Variants in SLC35F3 observed in about 807,000 individuals in gnomAD.
The protein encoded by SLC35F3 is putative thiamine transporter SLC35F3.
In SLC35F3, 25 loss-of-function variants were observed where a neutral mutation model predicts 49.9. The ratio of observed to expected loss-of-function variants is 0.50; its 90% CI spans 0.37 to 0.70. The LOEUF (loss-of-function observed/expected upper bound fraction) is 0.70, where lower values mean the gene tolerates loss of function less well. SLC35F3 is among the 30% of genes least tolerant of loss of function. The pLI is 0.00. For missense variants in SLC35F3, 525 were observed against 639.8 expected (o/e 0.82, Z 1.94); for synonymous variants, 275 against 265.4 (o/e 1.04, Z -0.35).
At chr1:234,227,558 C>T (rs1667306476) in intron 2 of SLC35F3, among the ~76,000 whole-genome samples, 1 of 152,002 alleles carries the variant, frequency 6.6e-6, no homozygotes, top group South Asian at 2.1e-4. Context: ...ACCACCACGC[C>T]CGGCTAATTT....
At chr1:234,034,822 C>G (rs1664117783) in intron 2 of SLC35F3, among the ~76,000 whole-genome samples, 1 of 152,158 alleles carries the variant, frequency 6.6e-6, no homozygotes, top group Non-Finnish European at 1.5e-5. Flanking sequence ...TGTGCCCAGC[C>G]CATAGATGGC....
intron 2 of SLC35F3, among the ~76,000 whole-genome samples, chr1:234,017,004 T>C (rs968816040): frequency 1.3e-5 from 2 of 152,212 alleles, no homozygotes; most frequent in Non-Finnish European, 2.9e-5. Flanking sequence ...GCAATTCATT[T>C]AACCCCATTA....
At chr1:233,978,052 A>T (rs1663119238) in intron 2 of SLC35F3, among the ~76,000 whole-genome samples, 1 of 152,202 alleles carries the variant, frequency 6.6e-6, no homozygotes, top group African/African-American at 2.4e-5. Context: ...TGCATCCAGT[A>T]AAGTATTTCT....
At chr1:233,982,489 C>T (rs1663202329) in intron 2 of SLC35F3, among the ~76,000 whole-genome samples, 1 of 152,092 alleles carries the variant, frequency 6.6e-6, no homozygotes, top group African/African-American at 2.4e-5. Flanking sequence ...ATTCTCCTGC[C>T]TCAGCCTCCT....
At chr1:234,233,917 T>G (rs938864101) in intron 3 of SLC35F3, among the ~76,000 whole-genome samples, 2 of 152,240 alleles carry the variant, frequency 1.3e-5, no homozygotes, top group Non-Finnish European at 2.9e-5. Context: ...TAGGCAGAGA[T>G]GCTAATTTAC....
At position 234,267,954 on chromosome 1, in the gene SLC35F3, G is replaced by A. The variant is rs896153759; in HGVS notation, c.608+36213G>A. On this transcript the variant is annotated intron_variant, in intron 3 of 7. Transcript: ENST00000366618. ...GATGGGATGGCAGCCGGGCAGAGAC[G>A]CTCCTCACTTCCCTGACTGGGCAGC... Among the ~76,000 whole-genome samples, 3 of 147,192 alleles carry A rather than the reference G, an allele frequency of 2.0e-5. No homozygotes were observed. In the East Asian group the frequency reaches 6.0e-4, roughly 29 times the overall value.
At chr1:234,135,444 G>T (rs1038220998) in intron 2 of SLC35F3, among the ~76,000 whole-genome samples, 4 of 152,190 alleles carry the variant, frequency 2.6e-5, no homozygotes, top group African/African-American at 7.2e-5. Flanking sequence ...AATTAACTGG[G>T]CACCTGCATT....
chr1:234,182,548 A>C (rs776277086), intron 2 of SLC35F3, among the ~76,000 whole-genome samples: 1 of 152,204 alleles, frequency 6.6e-6, no homozygotes, highest in African/African-American at 2.4e-5. Flanking sequence ...TATCCTGTGC[A>C]TACATCTTTG....
At chr1:233,987,212 C>G (rs1308167298) in intron 2 of SLC35F3, among the ~76,000 whole-genome samples, 1 of 152,170 alleles carries the variant, frequency 6.6e-6, no homozygotes, top group Non-Finnish European at 1.5e-5. Context: ...ATCACTTGAG[C>G]TGGGAGACAG....
At chr1:234,298,791 T>C (rs946670453) in intron 3 of SLC35F3, among the ~76,000 whole-genome samples, 1 of 152,108 alleles carries the variant, frequency 6.6e-6, no homozygotes, top group African/African-American at 2.4e-5. Context: ...GCTGACAGAG[T>C]AAATCAGACT....
chr1:233,992,515 A>G (rs962138610), intron 2 of SLC35F3, among the ~76,000 whole-genome samples: 1 of 152,164 alleles, frequency 6.6e-6, no homozygotes, highest in African/African-American at 2.4e-5. Context: ...CTTAGGAACT[A>G]ATCTGTTCCC....
At chr1:233,944,038 C>G (rs565618038) in intron 2 of SLC35F3, among the ~76,000 whole-genome samples, 8 of 152,262 alleles carry the variant, frequency 5.3e-5, no homozygotes, top group Non-Finnish European at 1.2e-4. Context: ...ACAGCTAAGT[C>G]AGTGTTAAGA....
chr1:233,959,351 C>G (rs939255775), intron 2 of SLC35F3, among the ~76,000 whole-genome samples: 2 of 152,056 alleles, frequency 1.3e-5, no homozygotes, highest in African/African-American at 4.8e-5. Context: ...CCCTTAACTG[C>G]AGCTGCTACA....
intron 3 of SLC35F3, among the ~76,000 whole-genome samples, chr1:234,250,824 A>G (rs2102963101): frequency 6.6e-6 from 1 of 152,284 alleles, no homozygotes; most frequent in South Asian, 2.1e-4. Flanking sequence ...AGGGGGCACC[A>G]CACTCTTTTT....
intron 3 of SLC35F3, among the ~76,000 whole-genome samples, chr1:234,301,760 T>C (rs1558103853): frequency 6.6e-6 from 1 of 152,148 alleles, no homozygotes; most frequent in Non-Finnish European, 1.5e-5. Flanking sequence ...TGCAGCACTA[T>C]TTACAATAGC....
chr1:234,107,908 C>T (rs1665308515), intron 2 of SLC35F3, among the ~76,000 whole-genome samples: 1 of 151,932 alleles, frequency 6.6e-6, no homozygotes, highest in African/African-American at 2.4e-5. Context: ...TTTGTTTTCC[C>T]TCTATGTATT....
intron 2 of SLC35F3, among the ~76,000 whole-genome samples, chr1:233,948,224 AGAGG>A (rs1246549683): frequency 6.8e-4 from 90 of 131,844 alleles, no homozygotes; most frequent in Non-Finnish European, 9.4e-4. Flanking sequence ...AGAGAGGGAG[AGAGG>A]GAGAGAGAGA....
intron 3 of SLC35F3, among the ~76,000 whole-genome samples, chr1:234,240,676 A>G (rs11810384): frequency 0.039 from 5,908 of 152,242 alleles, 392 homozygotes; most frequent in African/African-American, 0.13. Context: ...AATGATGATG[A>G]TGATCATGAG....
intron 2 of SLC35F3, among the ~76,000 whole-genome samples, chr1:234,100,765 A>G (rs1407272436): frequency 1.3e-5 from 2 of 152,240 alleles, no homozygotes; most frequent in African/African-American, 2.4e-5. Flanking sequence ...TGGCCTCCCC[A>G]TGGAGCAAAA....
Sources: gnomAD v4.1 joint callset for allele counts (sites outside exome capture counted in the v4.1 genomes callset) on GRCh38, gnomAD v4.1.1 for gene constraint, MANE v1.5 for transcripts, NCBI Gene and HGNC (gene_info 2026-07-23, HGNC 2026-07-21) for gene names.